Variants in TRIM33 observed in about 807,000 individuals in gnomAD.
TRIM33 encodes E3 ubiquitin-protein ligase TRIM33.
TRIM33 carries 20 observed loss-of-function variants against 125.4 expected under a neutral mutation model. The ratio of observed to expected loss-of-function variants is 0.16; its 90% CI spans 0.11 to 0.23. TRIM33 has a LOEUF of 0.23. Ranked by LOEUF, TRIM33 falls within the 10% of genes least tolerant of loss-of-function variation. TRIM33 has a pLI of 1.00. For missense variants in TRIM33, 920 were observed against 1,411.4 expected (o/e 0.65, Z 5.58); for synonymous variants, 564 against 513.9 (o/e 1.10, Z -1.32).
intron 6 of TRIM33, among the ~76,000 whole-genome samples, chr1:114,428,634 C>T (rs1254650179): frequency 1.3e-5 from 2 of 152,122 alleles, no homozygotes; most frequent in Non-Finnish European, 2.9e-5. Flanking sequence ...CAATATTTTT[C>T]CTAAGGAAAG....
rs56960865 is a variant in TRIM33, at chr1:114,414,989, A to ATTTTTTTT, written c.2062-4681_2062-4674dup. On this transcript the variant is annotated intron_variant, in intron 11 of 19. Transcript: ENST00000358465. Reference sequence around the variant, plus strand: ...CCAACATATCCATGAGGTAGATTCTATTTTTTTTTTTTTTTTTTTTTTTGA... The same window carrying ATTTTTTTT: ...CCAACATATCCATGAGGTAGATTCTATTTTTTTTTTTTTTTTTTTTTTTTTTTTTTTGA... 8.3e-3 allele frequency among the ~76,000 whole-genome samples: 872 copies of ATTTTTTTT among 104,660 alleles called. 53 individuals are homozygous for ATTTTTTTT. Among genetic ancestry groups the ATTTTTTTT allele is most frequent in the Non-Finnish European group, 0.012 (619 of 53,478 alleles). 68.7% of individuals were successfully genotyped at this position (104,660 alleles called of 152,430 possible). A position where few individuals can be genotyped will look rare whatever the true frequency, so the allele number is the denominator to read the frequency against.
intron 13 of TRIM33, 88 bp from the exon 14 acceptor site, chr1:114,407,188 GT>G: frequency 8.7e-7 from 1 of 1,144,866 alleles, no homozygotes; most frequent in South Asian, 1.6e-5. Flanking sequence ...GTTCACTAAA[GT>G]GAAGACAATA....
intron 11 of TRIM33, among the ~76,000 whole-genome samples, chr1:114,420,817 T>C (rs561752646): frequency 1.1e-3 from 175 of 152,304 alleles, no homozygotes; most frequent in Middle Eastern, 3.4e-3. Context: ...TTCTGAAATA[T>C]ATAATACACT....
rs1653280292 is a variant in TRIM33, at chr1:114,421,509, G to C, written c.1988C>G (p.Thr663Arg). Residue 663 changes from threonine (T) to arginine (R), a missense_variant, in exon 11 of 20, where the codon ACA becomes AGA. Physicochemically the swap from Thr to Arg is moderately conservative, Grantham distance 71. Around this residue, in one of 8 missense-constraint regions of TRIM33, gnomAD observed 407 missense variants for 589.7 expected, o/e 0.69. Coordinates refer to ENST00000358465, the MANE Select transcript of TRIM33 (RefSeq NM_015906.4). ...ANRGPTSPSV[T>R]AIELIPSVTN... is the part of the protein sequence containing the mutation. ...AACTGAGGGGATTAGCTCTATTGCT[G>C]TAACAGATGGGCTGGTGGGACCTCG... The C allele has an allele frequency of 1.2e-6, 2 of 1,614,028 alleles. No individual in the cohort carries two copies. Among genetic ancestry groups the C allele is most frequent in the African/African-American group, 1.3e-5 (1 of 74,900 alleles).
At chr1:114,414,989 A>ATTT (rs56960865) in intron 11 of TRIM33, among the ~76,000 whole-genome samples, 4,275 of 104,458 alleles carry the variant, frequency 0.041, 335 homozygotes, top group African/African-American at 0.062. Flanking sequence ...GGTAGATTCT[A>ATTT]TTTTTTTTTT....
chr1:114,463,060 C>A, intron 4 of TRIM33, 44 bp downstream of exon 4: 2 of 1,477,236 alleles, frequency 1.4e-6, no homozygotes, highest in Non-Finnish European at 1.8e-6. Flanking sequence ...ACTTTACAAG[C>A]ACTTTTTATA....
intron 4 of TRIM33, among the ~76,000 whole-genome samples, chr1:114,456,117 C>G (rs762609734): frequency 6.6e-6 from 1 of 152,120 alleles, no homozygotes; most frequent in Non-Finnish European, 1.5e-5. Flanking sequence ...GAGGTGGTTA[C>G]GTCTTCATTA....
chr1:114,451,368 C>T (rs954792402), intron 4 of TRIM33, among the ~76,000 whole-genome samples: 1 of 139,760 alleles, frequency 7.2e-6, no homozygotes, highest in Middle Eastern at 3.7e-3. Context: ...ATTCATTACC[C>T]TGCTTTAAAA....
chr1:114,486,133 A>C (rs1439881772), intron 1 of TRIM33, among the ~76,000 whole-genome samples: 1 of 151,964 alleles, frequency 6.6e-6, no homozygotes, highest in Non-Finnish European at 1.5e-5. Flanking sequence ...AAAACTAGCC[A>C]GGCATGGTGG....
chr1:114,397,593 T>TG lies in TRIM33; in HGVS notation c.*54_*55insC, dbSNP rs147717859. 133,989 of 1,038,166 alleles carry TG rather than the reference T, an allele frequency of 0.13. 5,675 individuals are homozygous for TG. The highest frequency in any genetic ancestry group is 0.14 in the Non-Finnish European group (99,037 of 711,560). 64.3% of individuals were successfully genotyped at this position (1,038,166 alleles called of 1,614,324 possible). A position where few individuals can be genotyped will look rare whatever the true frequency, so the allele number is the denominator to read the frequency against. ...AAAGTTTTCTGGGTTTTTTGTGTTT[T>TG]TTTTTTTTTTTTCGTTTTTTTTTTT... On this transcript the variant is annotated 3_prime_UTR_variant, in exon 20 of 20. Coordinates refer to ENST00000358465, the MANE Select transcript of TRIM33 (RefSeq NM_015906.4).
chr1:114,483,091 G>A (rs559873773), intron 1 of TRIM33, among the ~76,000 whole-genome samples: 8 of 152,082 alleles, frequency 5.3e-5, no homozygotes, highest in Non-Finnish European at 1.2e-4. Flanking sequence ...GATCACTTGA[G>A]ACCAGGTGTT....
intron 4 of TRIM33, among the ~76,000 whole-genome samples, chr1:114,439,008 A>G (rs33993445): frequency 0.35 from 53,523 of 152,008 alleles, 10,092 homozygotes; most frequent in African/African-American, 0.46. Flanking sequence ...ATAAAGTATG[A>G]GAAAGACATT....
rs753349539 is a variant in TRIM33 at position 114,407,003 on chromosome 1, A to C, written c.2356T>G (p.Cys786Gly). The stretch of plus-strand genomic sequence containing the variant: ...TGTTTTACACCTCCTGAAAAGCTAC[A>C]TATTTCATCTTCAGTCCCAGGTTCT... ...KQEPGTEDEI[C>G]SFSGGVKQEK... The change falls in exon 14 of 20, where the codon TGT (cysteine) becomes GGT (glycine). Residue 786 changes from cysteine to glycine, a missense_variant. By Grantham distance (159) the Cys-to-Gly change is radical. Coordinates refer to ENST00000358465, the MANE Select transcript of TRIM33 (RefSeq NM_015906.4). 1 of 1,614,070 alleles carries C rather than the reference A, an allele frequency of 6.2e-7. No individual in the cohort carries two copies. Among genetic ancestry groups the C allele is most frequent in the Admixed American group, 1.7e-5 (1 of 60,016 alleles).
chr1:114,467,513 T>C (rs1169677059), intron 1 of TRIM33, among the ~76,000 whole-genome samples: 1 of 151,996 alleles, frequency 6.6e-6, no homozygotes, highest in African/African-American at 2.4e-5. Flanking sequence ...TCAAGGACAA[T>C]AACCCTTGTT....
chr1:114,505,551 T>C (rs903582155), intron 1 of TRIM33, among the ~76,000 whole-genome samples: 1 of 152,128 alleles, frequency 6.6e-6, no homozygotes, highest in African/African-American at 2.4e-5. Flanking sequence ...AGACTTTTCA[T>C]AGTAAGTTTT....
At chr1:114,499,492 C>T (rs929001884) in intron 1 of TRIM33, among the ~76,000 whole-genome samples, 3 of 149,068 alleles carry the variant, frequency 2.0e-5, no homozygotes, top group African/African-American at 4.9e-5. Context: ...TGAGAATTCC[C>T]TTTTTTTTTT....
chr1:114,461,569 T>C (rs73005400), intron 4 of TRIM33, among the ~76,000 whole-genome samples: 1 of 151,836 alleles, frequency 6.6e-6, no homozygotes, highest in Non-Finnish European at 1.5e-5. Context: ...ACATTTTTTT[T>C]AAATTATACA....
chr1:114,399,306 C>T, intron 18 of TRIM33, 151 bp downstream of exon 18: 1 of 541,634 alleles, frequency 1.8e-6, no homozygotes, highest in South Asian at 3.4e-5. Context: ...AAATTTTCTT[C>T]ACTGGAGCTG....
chr1:114,448,577 G>A (rs1649131080), intron 4 of TRIM33, among the ~76,000 whole-genome samples: 1 of 152,154 alleles, frequency 6.6e-6, no homozygotes, highest in African/African-American at 2.4e-5. Flanking sequence ...GGTTTAATCA[G>A]GACTGTAGTT....
Sources: gnomAD v4.1 joint callset for allele counts (sites outside exome capture counted in the v4.1 genomes callset) on GRCh38, gnomAD v4.1.1 for gene constraint, gnomAD v4.1.1 regional missense constraint, MANE v1.5 for transcripts, NCBI Gene and HGNC (gene_info 2026-07-23, HGNC 2026-07-21) for gene names.